The following AGMO variants were observed in gnomAD, a reference collection of about 807,000 sequenced individuals.
AGMO encodes glyceryl-ether monooxygenase.
AGMO carries 75 observed loss-of-function variants against 60.2 expected under a neutral mutation model. The ratio of observed to expected loss-of-function variants is 1.25; its 90% CI spans 1.03 to 1.51. The LOEUF (loss-of-function observed/expected upper bound fraction) is 1.51, where lower values mean the gene tolerates loss of function less well. Ranked by LOEUF, AGMO falls within the 40% of genes most tolerant of loss-of-function variation. The pLI is 0.00. For missense variants in AGMO, 763 were observed against 525.5 expected (o/e 1.45, Z -4.42); for synonymous variants, 261 against 177.1 (o/e 1.47, Z -3.76).
At chr7:15,353,098 G>A (rs974476001) in intron 12 of AGMO, among the ~76,000 whole-genome samples, 2 of 152,238 alleles carry the variant, frequency 1.3e-5, no homozygotes, top group African/African-American at 4.8e-5. Context: ...AAAAAGGTGG[G>A]AAGGGGGCAG....
chr7:15,500,474 G>A (rs1162176500), intron 3 of AGMO, among the ~76,000 whole-genome samples: 3 of 151,744 alleles, frequency 2.0e-5, no homozygotes, highest in Non-Finnish European at 4.4e-5. Context: ...TTGAAAATAA[G>A]AGTATCGATT....
At chr7:15,454,378 C>CACAA (rs35788445) in intron 3 of AGMO, among the ~76,000 whole-genome samples, 1 of 57,442 alleles carries the variant, frequency 1.7e-5, no homozygotes, top group Non-Finnish European at 4.3e-5. Context: ...CACACACACA[C>CACAA]AAACACACAA....
intron 12 of AGMO, among the ~76,000 whole-genome samples, chr7:15,217,944 T>C (rs1275557424): frequency 2.0e-5 from 3 of 152,086 alleles, no homozygotes; most frequent in Admixed American, 6.6e-5. Flanking sequence ...AGAATTGTTA[T>C]GTAGGTAAAC....
At position 15,236,211 on chromosome 7, in the gene AGMO, AT is replaced by A. The variant is rs142845788; in HGVS notation, c.1264-34853del. Among the ~76,000 whole-genome samples the A allele has an allele frequency of 2.2e-3, 328 of 152,240 alleles. 1 individual carries two copies. Among genetic ancestry groups the A allele is most frequent in the African/African-American group, 7.5e-3 (310 of 41,564 alleles). On this transcript the variant is annotated intron_variant, in intron 12 of 12. Transcript: ENST00000342526. ...GCAATAATTCTTAAGGAAAAGGTAA[AT>A]TTCTATCAGTTTGGGGTGGTTGAAT...
At chr7:15,472,622 G>T (rs1782478367) in intron 3 of AGMO, among the ~76,000 whole-genome samples, 2 of 151,858 alleles carry the variant, frequency 1.3e-5, no homozygotes, top group Admixed American at 6.6e-5. Context: ...AAACGTCACA[G>T]TTAATTTAAA....
chr7:15,152,589 A>G, the AGMO span, among the ~76,000 whole-genome samples: 1 of 152,144 alleles, frequency 6.6e-6, no homozygotes, highest in Non-Finnish European at 1.5e-5. Flanking sequence ...GTGAGAATAT[A>G]TGATGTTTGA....
chr7:15,554,512 A>T (rs534170482), intron 2 of AGMO, among the ~76,000 whole-genome samples: 17 of 152,168 alleles, frequency 1.1e-4, no homozygotes, highest in African/African-American at 3.6e-4. Context: ...TATTTTCTTC[A>T]TGAATTCCCC....
rs370597454 is a variant in AGMO, at chr7:15,308,782, A to G, written c.1263+56732T>C. On this transcript the variant is annotated intron_variant, in intron 12 of 12. Transcript: ENST00000342526. ...TTTTATAATTCTCAAAGGCCTTCACATAACTCTTGGAAGCCACCAGTGTTT... is the reference window on the plus strand; with the variant it reads ...TTTTATAATTCTCAAAGGCCTTCACGTAACTCTTGGAAGCCACCAGTGTTT... Among the ~76,000 whole-genome samples the G allele has an allele frequency of 2.7e-4, 41 of 152,300 alleles. 1 individual carries two copies. The highest frequency in any genetic ancestry group is 9.6e-4 in the African/African-American group (40 of 41,584).
chr7:15,174,468 T>C, the AGMO span, among the ~76,000 whole-genome samples: 1 of 152,158 alleles, frequency 6.6e-6, no homozygotes, highest in East Asian at 1.9e-4. Context: ...TGCTTGATTT[T>C]ATCACATTGG....
chr7:15,138,685 C>A, the AGMO span, among the ~76,000 whole-genome samples: 2 of 152,138 alleles, frequency 1.3e-5, no homozygotes, highest in Non-Finnish European at 2.9e-5. Flanking sequence ...TCAATACTTA[C>A]CCGTTCACAA....
At chr7:15,348,574 T>G (rs1782117309) in intron 12 of AGMO, among the ~76,000 whole-genome samples, 2 of 152,264 alleles carry the variant, frequency 1.3e-5, no homozygotes, top group South Asian at 4.1e-4. Context: ...TTTTCTTCTT[T>G]CTATAGCTTT....
intron 12 of AGMO, among the ~76,000 whole-genome samples, chr7:15,207,925 C>T (rs1255012749): frequency 6.6e-6 from 1 of 152,056 alleles, no homozygotes; most frequent in East Asian, 1.9e-4. Flanking sequence ...CAGTGCGAGA[C>T]TCTGTCTCAA....
chr7:15,518,119 C>T (rs912392846), intron 3 of AGMO, among the ~76,000 whole-genome samples: 8 of 152,134 alleles, frequency 5.3e-5, no homozygotes, highest in Admixed American at 6.5e-5. Flanking sequence ...CTCTAGATTC[C>T]TCCTCTGTGG....
intron 12 of AGMO, among the ~76,000 whole-genome samples, chr7:15,221,938 G>A (rs1272378330): frequency 1.3e-5 from 2 of 152,144 alleles, no homozygotes; most frequent in East Asian, 1.9e-4. Context: ...ATAGCATTAC[G>A]TTTTCACTTT....
chr7:15,172,085 C>T, the AGMO span, among the ~76,000 whole-genome samples: 5 of 152,000 alleles, frequency 3.3e-5, no homozygotes, highest in Non-Finnish European at 5.9e-5. Context: ...ATGTTTTGTT[C>T]ACCACAGCAA....
intron 3 of AGMO, among the ~76,000 whole-genome samples, chr7:15,535,507 C>T (rs2128544273): frequency 6.6e-6 from 1 of 152,028 alleles, no homozygotes; most frequent in Non-Finnish European, 1.5e-5. Context: ...GGCATTTGAA[C>T]TTACCTGACT....
At chr7:15,191,992 C>G in the AGMO span, among the ~76,000 whole-genome samples, 1 of 151,948 alleles carries the variant, frequency 6.6e-6, no homozygotes, top group Non-Finnish European at 1.5e-5. Flanking sequence ...CACACACACA[C>G]ACACACACAC....
intron 12 of AGMO, among the ~76,000 whole-genome samples, chr7:15,322,977 A>ATT (rs376655680): frequency 8.0e-4 from 98 of 122,074 alleles, no homozygotes; most frequent in African/African-American, 1.2e-3. Flanking sequence ...GTATATATAT[A>ATT]TGTATTTATT....
At chr7:15,193,987 C>T in the AGMO span, among the ~76,000 whole-genome samples, 3 of 151,850 alleles carry the variant, frequency 2.0e-5, no homozygotes, top group African/African-American at 4.8e-5. Flanking sequence ...TTTTTATGTC[C>T]AACACAAATA....
Sources: allele counts gnomAD v4.1 joint callset (sites outside exome capture counted in the v4.1 genomes callset), GRCh38; gene constraint gnomAD v4.1.1; transcripts MANE v1.5; gene names NCBI Gene and HGNC (gene_info 2026-07-23, HGNC 2026-07-21).